The following GALM variants were observed in gnomAD, a reference collection of about 807,000 sequenced individuals.
GALM encodes the protein galactose mutarotase.
GALM carries 43 observed loss-of-function variants against 37.4 expected under a neutral mutation model. That is an observed-to-expected ratio of 1.15 (90% CI 0.90 to 1.48). The LOEUF (loss-of-function observed/expected upper bound fraction) is 1.48, where lower values mean the gene tolerates loss of function less well. Ranked by LOEUF, GALM falls within the 40% of genes most tolerant of loss-of-function variation. GALM has a pLI of 0.00. For missense variants in GALM, 456 were observed against 419.1 expected (o/e 1.09, Z -0.77); for synonymous variants, 199 against 170.6 (o/e 1.17, Z -1.30).
At chr2:38,669,327 TG>T (rs1665028692) in intron 1 of GALM, 1 of 152,282 alleles carries the variant, frequency 6.6e-6, no homozygotes. Context: ...TGTTGTGTTC[TG>T]TTCTGATTAC....
chr2:38,728,757 TTTC>T (rs1420535302), intron 4 of GALM, among the ~76,000 whole-genome samples: 2 of 152,206 alleles, frequency 1.3e-5, no homozygotes, highest in African/African-American at 4.8e-5. Flanking sequence ...ACAGAGCCCT[TTTC>T]TTTTCCTCTT....
At chr2:38,718,209 T>TTTTTTTTTTTTTC (rs1666308801) in intron 4 of GALM, among the ~76,000 whole-genome samples, 1 of 149,496 alleles carries the variant, frequency 6.7e-6, no homozygotes, top group African/African-American at 2.5e-5. Context: ...TTTTTTTTTT[T>TTTTTTTTTTTTTC]TTCTTTTTGA....
intron 4 of GALM, among the ~76,000 whole-genome samples, chr2:38,718,001 A>C (rs1333585863): frequency 6.6e-6 from 1 of 150,400 alleles, no homozygotes; most frequent in Non-Finnish European, 1.5e-5. Flanking sequence ...TGCTTGGCTA[A>C]TATTTTCTGT....
At chr2:38,689,168 A>G (rs1665612500) in intron 3 of GALM, among the ~76,000 whole-genome samples, 1 of 152,228 alleles carries the variant, frequency 6.6e-6, no homozygotes, top group African/African-American at 2.4e-5. Context: ...ATGAGGTTAA[A>G]TGAATTCCCT....
At chr2:38,726,313 G>A (rs1191241886) in intron 4 of GALM, among the ~76,000 whole-genome samples, 3 of 148,172 alleles carry the variant, frequency 2.0e-5, no homozygotes, top group African/African-American at 7.5e-5. Context: ...TGCAAGCTCC[G>A]CCTCCCGGGT....
intron 4 of GALM, among the ~76,000 whole-genome samples, chr2:38,691,655 C>T (rs1425465528): frequency 6.6e-6 from 1 of 151,584 alleles, no homozygotes; most frequent in East Asian, 1.9e-4. Flanking sequence ...GCACTCTACC[C>T]TGGGCAACAG....
intron 6 of GALM, 31 bp from the exon 7 acceptor site, chr2:38,733,457 A>C (rs1446837378): frequency 6.3e-7 from 1 of 1,589,626 alleles, no homozygotes; most frequent in East Asian, 2.2e-5. Context: ...CTGCGGTGTC[A>C]AGCATCACCT....
At chr2:38,702,089 GT>G (rs1665932527) in intron 4 of GALM, among the ~76,000 whole-genome samples, 1 of 151,520 alleles carries the variant, frequency 6.6e-6, no homozygotes, top group African/African-American at 2.4e-5. Flanking sequence ...ATCTTTTCTT[GT>G]CTAGATTAGT....
chr2:38,677,173 G>T (rs1427505692), intron 2 of GALM, among the ~76,000 whole-genome samples: 7 of 152,194 alleles, frequency 4.6e-5, no homozygotes, highest in African/African-American at 1.7e-4. Context: ...CCCAGTGATT[G>T]CTCTCTTACT....
At chr2:38,708,418 C>T (rs1221514023) in intron 4 of GALM, among the ~76,000 whole-genome samples, 6 of 152,172 alleles carry the variant, frequency 3.9e-5, no homozygotes, top group Non-Finnish European at 8.8e-5. Context: ...TAGAAGCTAC[C>T]TCAGTGAGTT....
chr2:38,695,440 A>G (rs1375502233), intron 4 of GALM, among the ~76,000 whole-genome samples: 1 of 152,240 alleles, frequency 6.6e-6, no homozygotes, highest in African/African-American at 2.4e-5. Flanking sequence ...TACTTCATTT[A>G]TCCTGGGGAG....
At position 38,734,413 on chromosome 2, in the gene GALM, AG is replaced by A. The variant is rs1666665708; in HGVS notation, c.*849del. ...AAAAAAAAAAAAAAAAGGAAAAAAA[AG>A]CAGCTCTCTCTCTCGGGAGAGGGAG... is the stretch of plus-strand genomic sequence containing the variant. On this transcript the variant is annotated 3_prime_UTR_variant, in exon 7 of 7. Transcript: ENST00000272252. 2 of 151,696 alleles carry A rather than the reference AG, an allele frequency of 1.3e-5. No homozygotes were observed. The highest frequency in any genetic ancestry group is 2.4e-5 in the African/African-American group (1 of 41,198). 9.4% of individuals were successfully genotyped at this position (151,696 alleles called of 1,614,324 possible). A position where few individuals can be genotyped will look rare whatever the true frequency, so the allele number is the denominator to read the frequency against.
At chr2:38,696,171 G>A (rs2148439792) in intron 4 of GALM, among the ~76,000 whole-genome samples, 1 of 151,412 alleles carries the variant, frequency 6.6e-6, no homozygotes, top group South Asian at 2.1e-4. Context: ...CCAGGCTGGA[G>A]TGCAATGGCG....
chr2:38,707,771 A>C (rs1390031323), intron 4 of GALM, among the ~76,000 whole-genome samples: 1 of 152,134 alleles, frequency 6.6e-6, no homozygotes, highest in Non-Finnish European at 1.5e-5. Context: ...ACTTGAGGCC[A>C]GGAGTTCAGG....
chr2:38,733,700 A>C lies in GALM; in HGVS notation c.*135A>C. On this transcript the variant is annotated 3_prime_UTR_variant, in exon 7 of 7. Transcript: ENST00000272252. ...CATACAAATGGTGGCTGTTCTGAGA[A>C]TCAGTCTGGGTATTGATTTCCTTTT... 1 of 728,398 alleles carries C rather than the reference A, an allele frequency of 1.4e-6. No homozygotes were observed. Among genetic ancestry groups the C allele is most frequent in the Non-Finnish European group, 2.5e-6 (1 of 406,606 alleles). The allele number at this position is 728,398 out of a possible 1,614,324, so 45.1% of individuals were successfully genotyped here.
intron 2 of GALM, 73 bp from the exon 3 acceptor site, chr2:38,681,207 C>G (rs1665385465): frequency 8.7e-7 from 1 of 1,146,698 alleles, no homozygotes. Context: ...AATCAGTTGT[C>G]TTTAAATATT....
chr2:38,687,184 C>T (rs1412712715), intron 3 of GALM, among the ~76,000 whole-genome samples: 2 of 152,224 alleles, frequency 1.3e-5, no homozygotes, highest in Non-Finnish European at 2.9e-5. Context: ...GCTGGCACCA[C>T]CCTGAGGCAT....
chr2:38,709,159 C>T (rs548217479), intron 4 of GALM, among the ~76,000 whole-genome samples: 62 of 151,072 alleles, frequency 4.1e-4, no homozygotes, highest in African/African-American at 1.4e-3. Flanking sequence ...ACAGGGAAGA[C>T]GCGTGGCAAG....
At chr2:38,671,314 A>T (rs1398111139) in intron 1 of GALM, 2 of 152,214 alleles carry the variant, frequency 1.3e-5, no homozygotes, top group Admixed American at 1.3e-4. Context: ...ACTGCCTGAG[A>T]CTGGGTAATT....
Sources: gnomAD v4.1 joint callset for allele counts (sites outside exome capture counted in the v4.1 genomes callset) on GRCh38, gnomAD v4.1.1 for gene constraint, MANE v1.5 for transcripts, NCBI Gene and HGNC (gene_info 2026-07-23, HGNC 2026-07-21) for gene names.